Variants in DNAH14 observed in about 807,000 individuals in gnomAD.
DNAH14 encodes axonemal beta dynein heavy chain 14.
In DNAH14, 478 loss-of-function variants were observed where a neutral mutation model predicts 520.9. That is an observed-to-expected ratio of 0.92 (90% confidence interval 0.85 to 0.99). The LOEUF (loss-of-function observed/expected upper bound fraction) is 0.99, where lower values mean the gene tolerates loss of function less well. Among genes scored for constraint, DNAH14 ranks in the 50% least tolerant of loss-of-function variants. The pLI is 0.00. For missense variants in DNAH14, 4,831 were observed against 5,234.5 expected, an observed-to-expected ratio of 0.92 and a Z score of 2.38; for synonymous variants, 1,581 against 1,757.2, an observed-to-expected ratio of 0.90 and a Z score of 2.51.
intron 7 of DNAH14, among the ~76,000 whole-genome samples, chr1:224,972,677 G>T (rs2061571316): frequency 6.6e-6 from 1 of 152,096 alleles, no homozygotes; most frequent in Admixed American, 6.5e-5. Flanking sequence ...GTGTTAGCCA[G>T]GATGGTCTCG....
chr1:224,960,606 TTGA>T (rs1479109951), intron 4 of DNAH14, among the ~76,000 whole-genome samples: 2 of 152,128 alleles, frequency 1.3e-5, no homozygotes, highest in Non-Finnish European at 2.9e-5. Flanking sequence ...GTAGTAAAAC[TTGA>T]TGATTTCATT....
chr1:225,280,524 G>A (rs142031339), intron 54 of DNAH14, among the ~76,000 whole-genome samples: 3 of 152,052 alleles, frequency 2.0e-5, no homozygotes, highest in South Asian at 2.1e-4. Flanking sequence ...ATGTGAACCT[G>A]GGAGGCAGAG....
intron 75 of DNAH14, 63 bp from the exon 76 acceptor site, chr1:225,364,729 T>C: frequency 1.1e-5 from 14 of 1,220,850 alleles, no homozygotes; most frequent in South Asian, 1.6e-5. Context: ...AATGCTATGA[T>C]TCTAAAAACA....
rs141510580 is a variant in DNAH14, at chr1:225,367,817, T to A, written c.12103T>A (p.Ser4035Thr). The A allele has an allele frequency of 2.3e-4, 358 of 1,550,898 alleles. No individual in the cohort carries two copies. The African/African-American group carries it at 4.3e-3, about 19-fold the overall frequency. Residue 4035 changes from serine (S) to threonine (T), a missense_variant, in exon 77 of 86, where the codon TCT becomes ACT. Coordinates refer to ENST00000682510, the MANE Select transcript of DNAH14 (RefSeq NM_001367479.1). ...ATCTGTTTTCAAGATTGCCGTGGAA[T>A]CTCCCCAGGGATTGAAAAGTAACTT... ...LKKGLKIAVE[S>T]PQGLKSNLLQ...
intron 8 of DNAH14, among the ~76,000 whole-genome samples, chr1:224,989,144 G>T (rs932389706): frequency 3.3e-5 from 5 of 152,040 alleles, no homozygotes; most frequent in Non-Finnish European, 7.4e-5. Flanking sequence ...CCTCTGGAGA[G>T]GGCAATCTGT....
At position 225,326,432 on chromosome 1, in the gene DNAH14, G is replaced by C. The variant is rs534500323; in HGVS notation, c.9723+1600G>C. ...TCGTGCGGGTAGAAGCAGAGTCTTG[G>C]AGGCCTACAGCTGAGTTTGAAGAGA... is the stretch of plus-strand genomic sequence containing the variant. On this transcript the variant is annotated intron_variant, in intron 64 of 85. Transcript: ENST00000682510. Among the ~76,000 whole-genome samples the C allele has an allele frequency of 3.9e-5, 6 of 152,284 alleles. No individual in the cohort carries two copies. The East Asian group carries it at 1.2e-3, about 29-fold the overall frequency.
chr1:225,331,378 G>A (rs2094794167), intron 64 of DNAH14, 59 bp from the exon 65 acceptor site: 4 of 1,502,738 alleles, frequency 2.7e-6, no homozygotes, highest in African/African-American at 1.4e-5. Flanking sequence ...GACAGCTAAA[G>A]TCTTGAAGCA....
At chr1:225,323,372 A>G (rs942447002) in intron 62 of DNAH14, among the ~76,000 whole-genome samples, 1 of 152,248 alleles carries the variant, frequency 6.6e-6, no homozygotes, top group African/African-American at 2.4e-5. Context: ...TCTTTTTAAA[A>G]AGTATAGCAA....
At chr1:225,236,621 G>A (rs1433769396) in intron 42 of DNAH14, among the ~76,000 whole-genome samples, 2 of 152,058 alleles carry the variant, frequency 1.3e-5, no homozygotes, top group African/African-American at 4.8e-5. Context: ...TGTCAGTGGG[G>A]GTGTTATCTG....
intron 41 of DNAH14, among the ~76,000 whole-genome samples, chr1:225,219,067 C>T (rs905597592): frequency 9.9e-5 from 15 of 152,150 alleles, no homozygotes; most frequent in African/African-American, 2.6e-4. Flanking sequence ...GGGTAAATAA[C>T]GAAATTATTA....
intron 9 of DNAH14, among the ~76,000 whole-genome samples, chr1:225,006,866 C>T (rs2064212232): frequency 6.6e-6 from 1 of 152,152 alleles, no homozygotes; most frequent in Non-Finnish European, 1.5e-5. Flanking sequence ...TAAAAACTTG[C>T]TGGTTTTGCG....
chr1:225,354,532 C>T (rs568906847), intron 73 of DNAH14, among the ~76,000 whole-genome samples: 2 of 152,214 alleles, frequency 1.3e-5, no homozygotes, highest in African/African-American at 4.8e-5. Context: ...CTATTTAATA[C>T]TTATAATAGT....
rs2060756594 is a variant in DNAH14, at chr1:224,960,187, G to A, written c.252G>A (p.Met84Ile). 1 of 1,604,202 alleles carries A rather than the reference G, an allele frequency of 6.2e-7. No individual in the cohort carries two copies. The highest frequency in any genetic ancestry group is 8.5e-7 in the Non-Finnish European group (1 of 1,176,722). Residue 84 changes from methionine (M) to isoleucine (I), a missense_variant, in exon 4 of 86, where the codon ATG becomes ATA. Physicochemically the swap from Met to Ile is conservative, Grantham distance 10 (BLOSUM62 1). Coordinates refer to ENST00000682510, the MANE Select transcript of DNAH14 (RefSeq NM_001367479.1). Reference protein sequence around the residue: ...YLRESIIQQHMVSPEPASLKE... With the variant: ...YLRESIIQQHIVSPEPASLKE... ...GAGAAAGTATAATTCAACAACATAT[G>A]GTTTCTCCAGAGCCAGCTTCCCTTA...
At chr1:225,169,432 A>C (rs933397050) in intron 36 of DNAH14, among the ~76,000 whole-genome samples, 1 of 152,234 alleles carries the variant, frequency 6.6e-6, no homozygotes, top group African/African-American at 2.4e-5. Flanking sequence ...TACAATAACC[A>C]ATGCAGAGAA....
chr1:225,371,449 T>C (rs1558550707), intron 77 of DNAH14, among the ~76,000 whole-genome samples: 1 of 152,202 alleles, frequency 6.6e-6, no homozygotes, highest in East Asian at 1.9e-4. Flanking sequence ...AAAGACTATC[T>C]AAAAATAACA....
intron 72 of DNAH14, among the ~76,000 whole-genome samples, chr1:225,352,569 A>G (rs552318791): frequency 6.6e-6 from 1 of 152,258 alleles, no homozygotes; most frequent in South Asian, 2.1e-4. Context: ...AAAGTCTATG[A>G]TAACTTATAT....
chr1:224,991,550 A>G (rs2063048689), intron 8 of DNAH14, among the ~76,000 whole-genome samples: 1 of 149,448 alleles, frequency 6.7e-6, no homozygotes, highest in South Asian at 2.1e-4. Flanking sequence ...ATCTCGGCTC[A>G]CTACAACCTC....
At chr1:225,266,098 A>C (rs954128928) in intron 48 of DNAH14, among the ~76,000 whole-genome samples, 1 of 152,144 alleles carries the variant, frequency 6.6e-6, no homozygotes, top group Non-Finnish European at 1.5e-5. Context: ...TCAAAGGTGG[A>C]CATTAACACA....
At chr1:225,104,376 G>A (rs897215063) in intron 23 of DNAH14, among the ~76,000 whole-genome samples, 3 of 152,164 alleles carry the variant, frequency 2.0e-5, no homozygotes, top group African/African-American at 7.2e-5. Context: ...TCAGGCTTTA[G>A]TATCAGGATG....
Sources: allele counts gnomAD v4.1 joint callset (sites outside exome capture counted in the v4.1 genomes callset), GRCh38; gene constraint gnomAD v4.1.1; transcripts MANE v1.5; gene names NCBI Gene and HGNC (gene_info 2026-07-23, HGNC 2026-07-21).